CDH18: variants seen among roughly 807,000 people sequenced by gnomAD.
CDH18 encodes cadherin 18.
In CDH18, 31 loss-of-function variants were observed where a neutral mutation model predicts 67.9. That is an observed-to-expected ratio of 0.46 (90% CI 0.34 to 0.62). The LOEUF (loss-of-function observed/expected upper bound fraction) is 0.62, where lower values mean the gene tolerates loss of function less well. CDH18 is among the 20% of genes least tolerant of loss of function. The pLI, the probability that CDH18 is intolerant of heterozygous loss-of-function variation, is 0.01. For missense variants in CDH18, 890 were observed against 975.5 expected (o/e 0.91, Z 1.17); for synonymous variants, 362 against 347.2 (o/e 1.04, Z -0.48).
chr5:19,963,005 A>C lies in CDH18; in HGVS notation c.-257+18055T>G, dbSNP rs375178595. ...ATTTTCTTTGTATTTGATTTTTTAA[A>C]TGTATTCTCTTATTTCTAGTTTAAA... On this transcript the variant is annotated intron_variant, in intron 2 of 12. Transcript: ENST00000382275. 7.2e-5 allele frequency among the ~76,000 whole-genome samples: 11 copies of C among 152,178 alleles called. No homozygotes were observed. In the East Asian group the frequency reaches 1.5e-3, roughly 21 times the overall value.
chr5:20,410,842 T>C (rs1191551524), intron 1 of CDH18, among the ~76,000 whole-genome samples: 1 of 151,720 alleles, frequency 6.6e-6, no homozygotes, highest in Non-Finnish European at 1.5e-5. Flanking sequence ...AATTAGAAAA[T>C]ATCATTCACA....
chr5:19,618,516 T>A (rs943487862), intron 5 of CDH18, among the ~76,000 whole-genome samples: 1 of 152,178 alleles, frequency 6.6e-6, no homozygotes, highest in South Asian at 2.1e-4. Flanking sequence ...TACTTTTGGT[T>A]CTTTTTCTTA....
chr5:19,958,194 T>G (rs1796442979), intron 2 of CDH18, among the ~76,000 whole-genome samples: 1 of 151,664 alleles, frequency 6.6e-6, no homozygotes, highest in Non-Finnish European at 1.5e-5. Flanking sequence ...GGTAGAGCTT[T>G]GAGCACCCTG....
chr5:20,383,007 A>G (rs1580871924), intron 1 of CDH18, among the ~76,000 whole-genome samples: 1 of 152,106 alleles, frequency 6.6e-6, no homozygotes, highest in African/African-American at 2.4e-5. Flanking sequence ...GGAGAATTCT[A>G]CCCAAATTGT....
intron 1 of CDH18, among the ~76,000 whole-genome samples, chr5:20,422,252 T>G (rs1441961062): frequency 6.6e-6 from 1 of 151,088 alleles, no homozygotes; most frequent in Non-Finnish European, 1.5e-5. Flanking sequence ...GGAACATGGG[T>G]TATCATGTCT....
At chr5:20,134,668 A>G (rs145284029) in intron 2 of CDH18, among the ~76,000 whole-genome samples, 2 of 152,276 alleles carry the variant, frequency 1.3e-5, no homozygotes, top group East Asian at 3.9e-4. Flanking sequence ...AACCATATCA[A>G]TAGTTATAGG....
intron 2 of CDH18, among the ~76,000 whole-genome samples, chr5:19,974,139 G>T (rs956694543): frequency 6.6e-6 from 1 of 151,976 alleles, no homozygotes; most frequent in African/African-American, 2.4e-5. Context: ...GAGGTATAAG[G>T]GTGACAAAGG....
intron 2 of CDH18, among the ~76,000 whole-genome samples, chr5:19,878,864 A>G (rs1787322888): frequency 6.6e-6 from 1 of 152,024 alleles, no homozygotes; most frequent in African/African-American, 2.4e-5. Flanking sequence ...TTAAATTTCA[A>G]TTTTTAAAGA....
intron 5 of CDH18, among the ~76,000 whole-genome samples, chr5:19,673,147 T>C (rs1400417550): frequency 6.6e-6 from 1 of 152,064 alleles, no homozygotes; most frequent in Non-Finnish European, 1.5e-5. Flanking sequence ...GGGAGAGCTG[T>C]CTTTACACCA....
At chr5:19,891,001 C>A (rs1399064971) in intron 2 of CDH18, among the ~76,000 whole-genome samples, 2 of 152,102 alleles carry the variant, frequency 1.3e-5, no homozygotes, top group Non-Finnish European at 2.9e-5. Context: ...CTATCTATTT[C>A]CACAATAGTG....
intron 1 of CDH18, among the ~76,000 whole-genome samples, chr5:20,526,273 C>T (rs1327086638): frequency 2.0e-5 from 3 of 152,172 alleles, no homozygotes; most frequent in African/African-American, 4.8e-5. Context: ...TCCCTGGGAC[C>T]GAGCACCTAG....
intron 11 of CDH18, among the ~76,000 whole-genome samples, chr5:19,485,521 C>T (rs1232086534): frequency 6.6e-6 from 1 of 152,128 alleles, no homozygotes; most frequent in Non-Finnish European, 1.5e-5. Context: ...TCCCAAAGTG[C>T]TGGGATTACA....
intron 3 of CDH18, among the ~76,000 whole-genome samples, chr5:19,755,459 A>AT (rs55825261): frequency 1.0e-4 from 1 of 9,648 alleles, no homozygotes; most frequent in Non-Finnish European, 8.6e-4. Context: ...ATATATATAT[A>AT]CACACACACA....
chr5:19,526,368 T>G (rs1747754829), intron 9 of CDH18, among the ~76,000 whole-genome samples: 1 of 152,118 alleles, frequency 6.6e-6, no homozygotes, highest in Admixed American at 6.5e-5. Context: ...CTAGAGATAG[T>G]GATACAGAGA....
At chr5:19,571,431 A>G in intron 8 of CDH18, 148 bp downstream of exon 8, 1 of 725,006 alleles carries the variant, frequency 1.4e-6, no homozygotes, top group Non-Finnish European at 2.1e-6. Context: ...TAAGCTACAC[A>G]GTTAAAATCA....
At chr5:19,979,308 G>A (rs1303094694) in intron 2 of CDH18, among the ~76,000 whole-genome samples, 1 of 151,670 alleles carries the variant, frequency 6.6e-6, no homozygotes, top group Non-Finnish European at 1.5e-5. Context: ...TATGAACAAT[G>A]CTGAAATAAT....
At chr5:20,442,160 G>C (rs1049424244) in intron 1 of CDH18, among the ~76,000 whole-genome samples, 1 of 151,806 alleles carries the variant, frequency 6.6e-6, no homozygotes, top group Non-Finnish European at 1.5e-5. Context: ...AATGAATGCA[G>C]TACCCCTGGT....
At chr5:19,535,065 G>A (rs1054277272) in intron 9 of CDH18, among the ~76,000 whole-genome samples, 1 of 152,166 alleles carries the variant, frequency 6.6e-6, no homozygotes. Flanking sequence ...AAATCTGGGT[G>A]ACAACCTCTT....
chr5:19,763,536 T>G (rs1334536433), intron 3 of CDH18, among the ~76,000 whole-genome samples: 1 of 152,176 alleles, frequency 6.6e-6, no homozygotes, highest in Non-Finnish European at 1.5e-5. Flanking sequence ...ATTTGAGGCA[T>G]GCTAAATGTG....
Sources: allele counts gnomAD v4.1 joint callset (sites outside exome capture counted in the v4.1 genomes callset), GRCh38; gene constraint gnomAD v4.1.1; transcripts MANE v1.5; gene names NCBI Gene and HGNC (gene_info 2026-07-23, HGNC 2026-07-21).